Variants in PI4KA observed in about 807,000 individuals in gnomAD.
The protein encoded by PI4KA is phosphatidylinositol 4-kinase alpha, also known as PI4-kinase alpha.
A neutral mutation model predicts 271.4 loss-of-function variants in PI4KA; 122 were observed. The ratio of observed to expected loss-of-function variants is 0.45; its 90% CI spans 0.39 to 0.52. The LOEUF is 0.52. Among genes scored for constraint, PI4KA ranks in the 20% least tolerant of loss-of-function variants. PI4KA has a pLI of 0.00. For missense variants in PI4KA, 1,969 were observed against 2,769.1 expected, an observed-to-expected ratio of 0.71 and a Z score of 6.48; for synonymous variants, 1,041 against 1,078.8, an observed-to-expected ratio of 0.96 and a Z score of 0.69.
intron 23 of PI4KA, among the ~76,000 whole-genome samples, chr22:20,758,303 T>C (rs1268779029): frequency 7.0e-6 from 1 of 143,278 alleles, no homozygotes; most frequent in Non-Finnish European, 1.5e-5. Flanking sequence ...AGGCGGAGCT[T>C]GCAGTCAGCT....
At chr22:20,786,295 G>C (rs1236769910) in intron 19 of PI4KA, 1 of 898,730 alleles carries the variant, frequency 1.1e-6, no homozygotes, top group Non-Finnish European at 1.8e-6. Flanking sequence ...GGGATACACA[G>C]AATGCCTAGT....
In PI4KA at chr22:20,801,906, T is replaced by A. The variant is rs1018579540; in HGVS notation, c.1724+67A>T. On this transcript the variant is annotated intron_variant, in intron 14 of 54. Coordinates refer to ENST00000255882, the MANE Select transcript of PI4KA (RefSeq NM_058004.4). ...ATCTCAAAAAAGAAGTATAAATGTC[T>A]CTTATTTTGTAATAACCCGCTTGTC... 6 of 1,550,504 alleles carry A rather than the reference T, an allele frequency of 3.9e-6. No individual in the cohort carries two copies. The Admixed American group carries it at 8.8e-5, about 23-fold the overall frequency.
chr22:20,754,113 G>A (rs1045245788), intron 23 of PI4KA, among the ~76,000 whole-genome samples: 2 of 151,786 alleles, frequency 1.3e-5, no homozygotes, highest in Non-Finnish European at 2.9e-5. Context: ...TTGAGACAGG[G>A]TCTCACTTTG....
intron 50 of PI4KA, 47 bp from the exon 51 acceptor site, chr22:20,711,508 G>A (rs549457612): frequency 1.9e-5 from 22 of 1,130,624 alleles, no homozygotes; most frequent in South Asian, 5.4e-5. Flanking sequence ...GGGCCTGTGG[G>A]CATTCTCCCT....
At chr22:20,793,915 A>C (rs896409438) in intron 18 of PI4KA, among the ~76,000 whole-genome samples, 3 of 152,252 alleles carry the variant, frequency 2.0e-5, no homozygotes, top group Admixed American at 1.3e-4. Context: ...CTCTTAATCT[A>C]TAATAACAGC....
At chr22:20,742,443 G>A in intron 31 of PI4KA, 88 bp from the exon 32 acceptor site, 1 of 1,572,552 alleles carries the variant, frequency 6.4e-7, no homozygotes, top group Non-Finnish European at 8.6e-7. Context: ...TTGACCAGCT[G>A]GGGCCAGTGA....
At position 20,752,504 on chromosome 22, in the gene PI4KA, C is replaced by G. The variant is rs530925542; in HGVS notation, c.2987+399G>C. ...ACAGGGTCTGTTTTGGCTCCCAGAA[C>G]AAAGAGTATACAGCACAGAAGGGTC... On this transcript the variant is annotated intron_variant, in intron 25 of 54. Coordinates refer to ENST00000255882, the MANE Select transcript of PI4KA (RefSeq NM_058004.4). 3.9e-5 allele frequency among the ~76,000 whole-genome samples: 6 copies of G among 152,302 alleles called. 1 individual carries two copies. In the South Asian group the frequency reaches 1.0e-3, roughly 26 times the overall value.
At chr22:20,792,609 C>G (rs139539777) in intron 19 of PI4KA, among the ~76,000 whole-genome samples, 1 of 152,038 alleles carries the variant, frequency 6.6e-6, no homozygotes, top group Non-Finnish European at 1.5e-5. Flanking sequence ...CTAGGAGTGA[C>G]GAAGAAAGGG....
At chr22:20,740,061 C>CAAAAAAAAA in intron 32 of PI4KA, among the ~76,000 whole-genome samples, 1 of 73,370 alleles carries the variant, frequency 1.4e-5, no homozygotes, top group African/African-American at 5.0e-5. Context: ...GACCCCATCT[C>CAAAAAAAAA]AAAAAAAAAA....
intron 23 of PI4KA, among the ~76,000 whole-genome samples, chr22:20,761,000 A>G (rs1250839107): frequency 2.0e-5 from 3 of 152,202 alleles, no homozygotes; most frequent in African/African-American, 7.2e-5. Flanking sequence ...CTCTGGCAAC[A>G]GCAAGTTGCT....
intron 43 of PI4KA, among the ~76,000 whole-genome samples, chr22:20,719,853 C>A (rs540614243): frequency 6.6e-6 from 1 of 151,720 alleles, no homozygotes; most frequent in Non-Finnish European, 1.5e-5. Flanking sequence ...GGTGAAACAC[C>A]GTCTCTACTG....
intron 43 of PI4KA, among the ~76,000 whole-genome samples, chr22:20,719,123 T>C (rs1186260707): frequency 1.3e-5 from 2 of 151,952 alleles, no homozygotes; most frequent in African/African-American, 4.8e-5. Context: ...CATTTATGAA[T>C]GTCACAGGGC....
At chr22:20,834,297 C>G (rs1569085589) in intron 3 of PI4KA, among the ~76,000 whole-genome samples, 1 of 152,142 alleles carries the variant, frequency 6.6e-6, no homozygotes, top group Admixed American at 6.5e-5. Flanking sequence ...AGAAAAGGTT[C>G]TTGAAGGTCT....
intron 5 of PI4KA, 134 bp from the exon 6 acceptor site, chr22:20,820,034 C>G (rs1270999883): frequency 1.3e-6 from 1 of 772,510 alleles, no homozygotes; most frequent in Non-Finnish European, 2.1e-6. Context: ...CAATAAGCCA[C>G]AATAATGGGG....
chr22:20,735,860 G>T (rs11705170), intron 32 of PI4KA, among the ~76,000 whole-genome samples: 35,480 of 152,102 alleles, frequency 0.23, 5,530 homozygotes, highest in Non-Finnish European at 0.34. Flanking sequence ...GCAGACAAGG[G>T]AGAAAAAAAT....
intron 39 of PI4KA, 56 bp downstream of exon 39, chr22:20,729,257 C>T (rs1293981934): frequency 6.6e-7 from 1 of 1,505,666 alleles, no homozygotes; most frequent in African/African-American, 1.4e-5. Context: ...CTGGCAAGCA[C>T]CCTGCGCTGG....
intron 42 of PI4KA, among the ~76,000 whole-genome samples, chr22:20,722,629 T>A (rs977934520): frequency 1.3e-5 from 2 of 152,154 alleles, no homozygotes; most frequent in Non-Finnish European, 2.9e-5. Flanking sequence ...ATTAAAAAAA[T>A]TTTTTTTGTT....
intron 42 of PI4KA, among the ~76,000 whole-genome samples, chr22:20,726,141 G>A (rs1927319560): frequency 6.6e-6 from 1 of 152,148 alleles, no homozygotes; most frequent in Non-Finnish European, 1.5e-5. Flanking sequence ...ATGTCATCTC[G>A]TTAATTTTCC....
rs1163684148 is a variant in PI4KA, at chr22:20,808,259, C to A, written c.1072-801G>T. Among the ~76,000 whole-genome samples the A allele has an allele frequency of 1.6e-4, 24 of 147,760 alleles. No homozygotes were observed. In the Admixed American group the frequency reaches 1.6e-3, roughly 10 times the overall value. On this transcript the variant is annotated intron_variant, in intron 9 of 54. Coordinates refer to ENST00000255882, the MANE Select transcript of PI4KA (RefSeq NM_058004.4). ...GAGCAGAGATCGCGCCATTGCACTC[C>A]AGCCTGGGCAACAAGAACAAAACTC...
Sources: gnomAD v4.1 joint callset for allele counts (sites outside exome capture counted in the v4.1 genomes callset) on GRCh38, gnomAD v4.1.1 for gene constraint, MANE v1.5 for transcripts, NCBI Gene and HGNC (gene_info 2026-07-23, HGNC 2026-07-21) for gene names.